The following SOX6 variants were observed in gnomAD, a reference collection of about 807,000 sequenced individuals.
SOX6 encodes SRY-box transcription factor 6, also known as transcription factor SOX-6.
SOX6 carries 11 observed loss-of-function variants against 97.8 expected under a neutral mutation model. The ratio of observed to expected loss-of-function variants is 0.11; its 90% confidence interval spans 0.07 to 0.19. The LOEUF is 0.19. Ranked by LOEUF, SOX6 falls within the 10% of genes least tolerant of loss-of-function variation. The pLI is 1.00. For missense variants in SOX6, 810 were observed against 1,039.5 expected, an observed-to-expected ratio of 0.78 and a Z score of 3.04; for synonymous variants, 360 against 371.4, an observed-to-expected ratio of 0.97 and a Z score of 0.35.
At chr11:16,069,515 CTT>C (rs1848174111) in intron 9 of SOX6, among the ~76,000 whole-genome samples, 1 of 152,104 alleles carries the variant, frequency 6.6e-6, no homozygotes, top group Non-Finnish European at 1.5e-5. Flanking sequence ...GTAAAGCAAT[CTT>C]TGGGCACCGT....
chr11:16,216,940 A>G (rs1387904174), intron 4 of SOX6, among the ~76,000 whole-genome samples: 2 of 152,184 alleles, frequency 1.3e-5, no homozygotes, highest in Non-Finnish European at 2.9e-5. Flanking sequence ...GTCAACTGTG[A>G]GGGTTAGAGA....
chr11:16,500,437 C>T (rs550688892), intron 4 of SOX6, among the ~76,000 whole-genome samples: 37 of 152,204 alleles, frequency 2.4e-4, no homozygotes, highest in African/African-American at 8.7e-4. Flanking sequence ...TCCTATTCAA[C>T]GTAGTGTTGG....
chr11:16,518,867 C>T (rs1160035191), intron 4 of SOX6, among the ~76,000 whole-genome samples: 1 of 152,082 alleles, frequency 6.6e-6, no homozygotes, highest in South Asian at 2.1e-4. Flanking sequence ...CATGGCAAAA[C>T]AAATGTATCT....
intron 1 of SOX6, among the ~76,000 whole-genome samples, chr11:16,458,201 C>T (rs1859847731): frequency 6.6e-6 from 1 of 151,918 alleles, no homozygotes; most frequent in African/African-American, 2.4e-5. Flanking sequence ...TCATAAAAGG[C>T]ATAAGACACT....
chr11:16,371,266 C>A (rs1857487919), intron 1 of SOX6, among the ~76,000 whole-genome samples: 1 of 151,958 alleles, frequency 6.6e-6, no homozygotes, highest in Admixed American at 6.6e-5. Flanking sequence ...GAATGCTCTT[C>A]CCCCAGATAT....
chr11:16,167,739 TC>T (rs1442195183), intron 6 of SOX6, among the ~76,000 whole-genome samples: 2 of 152,146 alleles, frequency 1.3e-5, no homozygotes, highest in Non-Finnish European at 2.9e-5. Flanking sequence ...TTCCTGTGGG[TC>T]TTTTCTTAAA....
At chr11:16,112,000 G>T (rs1297495353) in intron 6 of SOX6, 77 bp from the exon 7 acceptor site, 2 of 1,583,978 alleles carry the variant, frequency 1.3e-6, no homozygotes, top group Non-Finnish European at 1.7e-6. Context: ...CACTCCTGGT[G>T]GTGTGCTGGT....
rs1337153861 is a variant in SOX6 at position 16,300,918 on chromosome 11, G to C, written c.445+17528C>G. Among the ~76,000 whole-genome samples, 1 of 152,152 alleles carries C rather than the reference G, an allele frequency of 6.6e-6. No individual in the cohort carries two copies. Among genetic ancestry groups the C allele is most frequent in the Non-Finnish European group, 1.5e-5 (1 of 68,026 alleles). On this transcript the variant is annotated intron_variant, in intron 3 of 15. Coordinates refer to ENST00000683767, the MANE Select transcript of SOX6 (RefSeq NM_001367873.1). This position sits in a 1 kb window ranked among gnomAD's most constrained non-coding sequence, Gnocchi z 4.1. ...AAGATAAGGGATCACTCTGTGACCT[G>C]TGTGCTATACCTTTGATCAAGGTAC...
chr11:16,701,597 C>T (rs1050220302), intron 3 of SOX6, among the ~76,000 whole-genome samples: 1 of 151,990 alleles, frequency 6.6e-6, no homozygotes, highest in African/African-American at 2.4e-5. Flanking sequence ...GCAACTCACG[C>T]CTGTAATCCC....
chr11:16,160,307 C>T (rs1054538087), intron 6 of SOX6, among the ~76,000 whole-genome samples: 16 of 152,256 alleles, frequency 1.1e-4, no homozygotes, highest in African/African-American at 3.9e-4. Context: ...CATCCATGTC[C>T]TTCACTCAAA....
At chr11:16,650,794 T>C (rs1237357581) in intron 3 of SOX6, among the ~76,000 whole-genome samples, 3 of 70,300 alleles carry the variant, frequency 4.3e-5, no homozygotes, top group Non-Finnish European at 7.7e-5. Flanking sequence ...TAAATGAAAT[T>C]GAAACAGAAA....
intron 3 of SOX6, among the ~76,000 whole-genome samples, chr11:16,622,214 T>C (rs1193507862): frequency 1.3e-5 from 2 of 152,220 alleles, no homozygotes; most frequent in African/African-American, 4.8e-5. Context: ...GGTATTTAGC[T>C]CCACATTTCT....
At chr11:16,522,906 A>G (rs11023978) in intron 4 of SOX6, among the ~76,000 whole-genome samples, 59,699 of 151,948 alleles carry the variant, frequency 0.39, 12,402 homozygotes, top group African/African-American at 0.52. Flanking sequence ...AATGCTAAAG[A>G]GATCAATTCA....
intron 3 of SOX6, among the ~76,000 whole-genome samples, chr11:16,240,442 C>T (rs933520383): frequency 7.9e-5 from 12 of 151,846 alleles, no homozygotes; most frequent in Admixed American, 1.3e-4. Context: ...TCATCATAAT[C>T]GGTACAATAT....
intron 11 of SOX6, among the ~76,000 whole-genome samples, chr11:16,046,984 ATATTGGGGGAAGG>A (rs1004875340): frequency 3.3e-5 from 5 of 152,016 alleles, no homozygotes; most frequent in Non-Finnish European, 7.4e-5. Flanking sequence ...AATTGTATAC[ATATTGGGGGAAGG>A]TATTTGCTCT....
rs1564885594 is a variant in SOX6 at position 15,971,102 on chromosome 11, TAG to T, written c.*1705_*1706del. On this transcript the variant is annotated 3_prime_UTR_variant, in exon 16 of 16. Transcript: ENST00000683767. ...AGGCAGGTCCCCATGTGGCTACAGATAGAGTCAGCCAGAGGAACTCATCTGCT... is the reference window on the plus strand; with the variant it reads ...AGGCAGGTCCCCATGTGGCTACAGATAGTCAGCCAGAGGAACTCATCTGCT... 2 of 152,490 alleles carry T rather than the reference TAG, an allele frequency of 1.3e-5. No homozygotes were observed. The highest frequency in any genetic ancestry group is 4.8e-5 in the African/African-American group (2 of 41,458). The allele number at this position is 152,490 out of a possible 1,614,324, so 9.4% of individuals were successfully genotyped here.
intron 4 of SOX6, among the ~76,000 whole-genome samples, chr11:16,530,487 T>C (rs112203775): frequency 1.1e-4 from 16 of 152,020 alleles, no homozygotes; most frequent in African/African-American, 1.9e-4. Context: ...CAAGCCACAG[T>C]ATGAAAAATA....
chr11:16,703,407 T>C (rs1253732476), intron 3 of SOX6, among the ~76,000 whole-genome samples: 3 of 152,176 alleles, frequency 2.0e-5, no homozygotes, highest in South Asian at 2.1e-4. Flanking sequence ...AAATGGCTCT[T>C]GAATATTTGT....
intron 3 of SOX6, among the ~76,000 whole-genome samples, chr11:16,285,695 T>C (rs924085091): frequency 1.3e-5 from 2 of 152,156 alleles, no homozygotes; most frequent in Non-Finnish European, 2.9e-5. Context: ...CCCAATTTTC[T>C]ACACTTTCTA....
Sources: allele counts gnomAD v4.1 joint callset (sites outside exome capture counted in the v4.1 genomes callset), GRCh38; gene constraint gnomAD v4.1.1; non-coding constraint Gnocchi (gnomAD v3.1); transcripts MANE v1.5; gene names NCBI Gene and HGNC (gene_info 2026-07-23, HGNC 2026-07-21).